The following CLDN12 variants were observed in gnomAD, a reference collection of about 807,000 sequenced individuals.
CLDN12 encodes claudin 12.
CLDN12 carries 9 observed loss-of-function variants against 15.5 expected under a neutral mutation model. The ratio of observed to expected loss-of-function variants is 0.58; its 90% confidence interval spans 0.35 to 1.02. CLDN12 has a LOEUF of 1.02. CLDN12 is among the 50% of genes least tolerant of loss of function. CLDN12 has a pLI of 0.02. For synonymous variants in CLDN12, 140 were observed against 121.6 expected, an observed-to-expected ratio of 1.15 and a Z score of -1.00; for missense variants, 233 against 297.3, an observed-to-expected ratio of 0.78 and a Z score of 1.59.
At position 90,414,128 on chromosome 7, in the gene CLDN12, T is replaced by C. The variant is rs1797026687; in HGVS notation, c.*717T>C. 3 of 1,000,144 alleles carry C rather than the reference T, an allele frequency of 3.0e-6. No homozygotes were observed. The highest frequency in any genetic ancestry group is 3.6e-6 in the Non-Finnish European group (3 of 830,024). The allele number at this position is 1,000,144 out of a possible 1,614,324, so 62.0% of individuals were successfully genotyped here. ...ATGTGCTTTATGACAGGTTAGTGTT[T>C]CCTCTGAGGCAGAAAACTCTTTTTT... On this transcript the variant is annotated 3_prime_UTR_variant, in exon 4 of 4. Transcript: ENST00000496677.
chr7:90,404,565 T>G (rs1796796320), intron 1 of CLDN12, among the ~76,000 whole-genome samples: 1 of 152,208 alleles, frequency 6.6e-6, no homozygotes, highest in African/African-American at 2.4e-5. Flanking sequence ...AATTTCAGGA[T>G]GCAGAATTCA....
Position 90,412,721 on chromosome 7 carries a change from G to T in CLDN12, c.45G>T (p.Leu15=). The T allele has an allele frequency of 6.2e-7, 1 of 1,614,130 alleles. No homozygotes were observed. The highest frequency in any genetic ancestry group is 8.5e-7 in the Non-Finnish European group (1 of 1,179,998). ...ACGCAGCCACAGTCCTTTCCTTCCTGTGTGGAATCGCCTCAGTAGCAGGCC... is the reference window on the plus strand; with the variant it reads ...ACGCAGCCACAGTCCTTTCCTTCCTTTGTGGAATCGCCTCAGTAGCAGGCC... ...DVHAATVLSF[L]CGIASVAGLF... is the part of the protein sequence containing the mutation. Residue 15 remains leucine (L), a synonymous_variant, in exon 4 of 4, where the codon CTG becomes CTT. Transcript: ENST00000496677.
intron 1 of CLDN12, among the ~76,000 whole-genome samples, chr7:90,405,086 A>G (rs1408459496): frequency 6.6e-6 from 1 of 152,054 alleles, no homozygotes; most frequent in Non-Finnish European, 1.5e-5. Flanking sequence ...TTTTTGAGCC[A>G]GAATCTCTCT....
At chr7:90,404,669 C>A (rs1796798226) in intron 1 of CLDN12, among the ~76,000 whole-genome samples, 1 of 151,992 alleles carries the variant, frequency 6.6e-6, no homozygotes, top group African/African-American at 2.4e-5. Flanking sequence ...AGTCTTTCAC[C>A]ACCTTCCTTA....
At position 90,413,452 on chromosome 7, in the gene CLDN12, T is replaced by C. The variant is rs1316158945; in HGVS notation, c.*41T>C. 1 of 1,587,410 alleles carries C rather than the reference T, an allele frequency of 6.3e-7. No individual in the cohort carries two copies. Among genetic ancestry groups the C allele is most frequent in the Non-Finnish European group, 8.6e-7 (1 of 1,165,724 alleles). ...TTGTTAAAGAAAACTTCTTGTAGCC[T>C]CACATTCCCCTTGTGCAAAGAGCTC... On this transcript the variant is annotated 3_prime_UTR_variant, in exon 4 of 4. Coordinates refer to ENST00000496677, the MANE Select transcript of CLDN12 (RefSeq NM_001185072.3).
intron 2 of CLDN12, among the ~76,000 whole-genome samples, chr7:90,408,378 C>T (rs1796885525): frequency 6.6e-6 from 1 of 152,118 alleles, no homozygotes; most frequent in Non-Finnish European, 1.5e-5. Context: ...TGGCATGCAC[C>T]TGTTATCCCA....
chr7:90,407,888 C>G (rs1165609203), intron 2 of CLDN12, among the ~76,000 whole-genome samples: 1 of 152,140 alleles, frequency 6.6e-6, no homozygotes, highest in African/African-American at 2.4e-5. Context: ...TGTGGTTTGG[C>G]TGCATAGACT....
chr7:90,409,649 A>G (rs1157509336), intron 2 of CLDN12, among the ~76,000 whole-genome samples: 2 of 152,172 alleles, frequency 1.3e-5, no homozygotes, highest in African/African-American at 2.4e-5. Context: ...ACTTTAATCA[A>G]ATCCTTATTC....
intron 3 of CLDN12, chr7:90,412,427 C>A: frequency 2.3e-6 from 1 of 443,278 alleles, no homozygotes; most frequent in Non-Finnish European, 4.0e-6. Context: ...CTCTATGACC[C>A]AGTCAGTAAT....
chr7:90,410,216 G>A (rs1796931112), intron 2 of CLDN12, among the ~76,000 whole-genome samples: 1 of 151,820 alleles, frequency 6.6e-6, no homozygotes, highest in African/African-American at 2.4e-5. Flanking sequence ...TTCCATTGCT[G>A]TACTGAGGTG....
At chr7:90,412,431 C>A in intron 3 of CLDN12, 1 of 451,582 alleles carries the variant, frequency 2.2e-6, no homozygotes, top group South Asian at 6.1e-5. Flanking sequence ...ATGACCCAGT[C>A]AGTAATAACC....
Position 90,413,620 on chromosome 7 carries a change from T to G in CLDN12, c.*209T>G. On this transcript the variant is annotated 3_prime_UTR_variant, in exon 4 of 4. Transcript: ENST00000496677. ...ATTTTTTAAATTTTGCTTCTTATAC[T>G]GGAAGGAATTTTAGCCTTCATATTG... 1 of 1,334,644 alleles carries G rather than the reference T, an allele frequency of 7.5e-7. No individual in the cohort carries two copies. Among genetic ancestry groups the G allele is most frequent in the Non-Finnish European group, 9.6e-7 (1 of 1,040,348 alleles). The allele number at this position is 1,334,644 out of a possible 1,614,324, so 82.7% of individuals were successfully genotyped here.
intron 2 of CLDN12, chr7:90,405,961 G>A (rs767070010): frequency 1.3e-5 from 2 of 152,228 alleles, no homozygotes; most frequent in African/African-American, 4.8e-5. Context: ...AAATTAGCCA[G>A]TTGTGGTGGT....
In CLDN12 at chr7:90,413,067, G is replaced by A. The variant is rs1797000393; in HGVS notation, c.391G>A (p.Gly131Ser). The A allele has an allele frequency of 1.2e-6, 2 of 1,614,194 alleles. No homozygotes were observed. The highest frequency in any genetic ancestry group is 1.7e-6 in the Non-Finnish European group (2 of 1,180,044). Residue 131 changes from glycine to serine, a missense_variant, in exon 4 of 4, where the codon GGT (glycine) becomes AGT (serine). Transcript: ENST00000496677. ...GGCCAAGTGTCTGGTCAATAGTGCA[G>A]GTTGCCACCTGGTGGCTGGGCTGCT... ...KLAKCLVNSA[G>S]CHLVAGLLFF...
intron 3 of CLDN12, 113 bp from the exon 4 acceptor site, chr7:90,412,531 C>T (rs1796987989): frequency 7.2e-6 from 6 of 831,196 alleles, no homozygotes; most frequent in Non-Finnish European, 1.1e-5. Context: ...GAGAGACTTT[C>T]CCTCTTTGCA....
chr7:90,406,933 TA>T (rs1230706368), intron 2 of CLDN12, among the ~76,000 whole-genome samples: 2 of 152,174 alleles, frequency 1.3e-5, no homozygotes, highest in Admixed American at 6.5e-5. Context: ...TTTTCTCCAT[TA>T]AAAAAACTAT....
rs1349496355 is a variant in CLDN12 at position 90,413,146 on chromosome 7, A to G, written c.470A>G (p.Tyr157Cys). 1.2e-6 allele frequency: 2 copies of G among 1,614,042 alleles called. No homozygotes were observed. Among genetic ancestry groups the G allele is most frequent in the African/African-American group, 1.3e-5 (1 of 74,900 alleles). Residue 157 changes from tyrosine (Y) to cysteine (C), a missense_variant, in exon 4 of 4, where the codon TAT (tyrosine) becomes TGT (cysteine). Transcript: ENST00000496677. ...SLSPSIWVIF[Y>C]NIHLNKKFEP... is the part of the protein sequence containing the mutation. The stretch of plus-strand genomic sequence containing the variant: ...TCCCCATCTATCTGGGTCATCTTTT[A>G]TAACATCCATCTGAACAAGAAGTTT...
Position 90,412,425 on chromosome 7 carries a change from C to A in CLDN12, c.-33-219C>A, listed in dbSNP as rs138919657. ...GCTAAAGATTTTAGTTGCTCTATGA[C>A]CCAGTCAGTAATAACCAAATGTGTG... On this transcript the variant is annotated intron_variant, in intron 3 of 3. Coordinates refer to ENST00000496677, the MANE Select transcript of CLDN12 (RefSeq NM_001185072.3). 591 of 439,870 alleles carry A rather than the reference C, an allele frequency of 1.3e-3. 2 individuals are homozygous for A. The highest frequency in any genetic ancestry group is 0.011 in the African/African-American group (551 of 50,462). 27.2% of individuals were successfully genotyped at this position (439,870 alleles called of 1,614,324 possible). A position where few individuals can be genotyped will look rare whatever the true frequency, so the allele number is the denominator to read the frequency against.
chr7:90,411,558 T>C (rs2115890905), intron 2 of CLDN12, among the ~76,000 whole-genome samples: 1 of 152,338 alleles, frequency 6.6e-6, no homozygotes, highest in Middle Eastern at 3.4e-3. Context: ...GCATTCGTCT[T>C]ATATGAACAG....
Sources: allele counts gnomAD v4.1 joint callset (sites outside exome capture counted in the v4.1 genomes callset), GRCh38; gene constraint gnomAD v4.1.1; transcripts MANE v1.5; gene names NCBI Gene and HGNC (gene_info 2026-07-23, HGNC 2026-07-21).